The following CUBN variants were observed in gnomAD, a reference collection of about 807,000 sequenced individuals.
The protein encoded by CUBN is cubilin, also known as 460 kDa receptor.
A neutral mutation model predicts 405.3 loss-of-function variants in CUBN; 282 were observed. That is an observed-to-expected ratio of 0.70 (90% CI 0.63 to 0.77). The LOEUF (loss-of-function observed/expected upper bound fraction) is 0.77, where lower values mean the gene tolerates loss of function less well. CUBN is among the 30% of genes least tolerant of loss of function. The pLI is 0.00. For missense variants in CUBN, 4,514 were observed against 4,475.2 expected, an observed-to-expected ratio of 1.01 and a Z score of -0.25; for synonymous variants, 1,684 against 1,617.0, an observed-to-expected ratio of 1.04 and a Z score of -0.99.
At chr10:17,104,710 TAATA>T in intron 11 of CUBN, 105 bp from the exon 12 acceptor site, 1 of 288,952 alleles carries the variant, frequency 3.5e-6, no homozygotes, top group East Asian at 8.5e-5. Context: ...ATATAATATA[TAATA>T]ATTATATAAT....
chr10:16,908,952 G>T (rs974435405), intron 48 of CUBN, among the ~76,000 whole-genome samples: 1 of 144,148 alleles, frequency 6.9e-6, no homozygotes, highest in African/African-American at 2.6e-5. Context: ...GCGCAATCTC[G>T]GCTCACTGCA....
chr10:17,106,498 C>T (rs778821704), intron 10 of CUBN, among the ~76,000 whole-genome samples: 4 of 142,720 alleles, frequency 2.8e-5, no homozygotes, highest in South Asian at 2.3e-4. Context: ...ATCAGGAGGC[C>T]GAGGCAGGAG....
intron 65 of CUBN, among the ~76,000 whole-genome samples, chr10:16,829,813 T>A (rs1441054503): frequency 6.6e-6 from 1 of 151,944 alleles, no homozygotes; most frequent in Non-Finnish European, 1.5e-5. Context: ...TCTTGGTGGG[T>A]TTTTTTGTTT....
chr10:16,929,426 T>A (rs1207741548), intron 40 of CUBN, among the ~76,000 whole-genome samples: 1 of 152,156 alleles, frequency 6.6e-6, no homozygotes, highest in Non-Finnish European at 1.5e-5. Context: ...AATTAATAAA[T>A]CTCGAGTTTA....
chr10:17,015,631 G>T (rs958342157), intron 28 of CUBN, among the ~76,000 whole-genome samples: 4 of 152,104 alleles, frequency 2.6e-5, no homozygotes, highest in Non-Finnish European at 4.4e-5. Context: ...GCTCAATAAG[G>T]GTCATAACAT....
At chr10:16,923,504 A>G (rs1270128114) in intron 43 of CUBN, among the ~76,000 whole-genome samples, 1 of 152,176 alleles carries the variant, frequency 6.6e-6, no homozygotes, top group Non-Finnish European at 1.5e-5. Context: ...TTATGGAACA[A>G]TCTTGAGTTG....
At position 17,045,350 on chromosome 10, in the gene CUBN, AT is replaced by A. The variant is rs200458717; in HGVS notation, c.3491-163del. On this transcript the variant is annotated intron_variant, in intron 24 of 66. Coordinates refer to ENST00000377833, the MANE Select transcript of CUBN (RefSeq NM_001081.4). The stretch of plus-strand genomic sequence containing the variant: ...GTTATAGCCTAAAAATCCAATTTTT[AT>A]TTTTTTCTATTTTTTTTTTTTTTTT... Among the ~76,000 whole-genome samples the A allele has an allele frequency of 1.4e-3, 193 of 134,438 alleles. 1 individual carries two copies. The South Asian group carries it at 0.018, about 12-fold the overall frequency. 88.2% of individuals were successfully genotyped at this position (134,438 alleles called of 152,430 possible). A position where few individuals can be genotyped will look rare whatever the true frequency, so the allele number is the denominator to read the frequency against.
At chr10:16,844,274 A>G (rs1248706588) in intron 60 of CUBN, among the ~76,000 whole-genome samples, 2 of 151,608 alleles carry the variant, frequency 1.3e-5, no homozygotes, top group Admixed American at 6.6e-5. Flanking sequence ...TGTCCCCAAA[A>G]AAAAAAAAAA....
At chr10:16,972,540 C>A (rs541804500) in intron 31 of CUBN, among the ~76,000 whole-genome samples, 1 of 151,728 alleles carries the variant, frequency 6.6e-6, no homozygotes, top group Non-Finnish European at 1.5e-5. Flanking sequence ...CATGCTCAAG[C>A]CATCCTCCCA....
chr10:16,935,097 T>C (rs1398001205), intron 39 of CUBN, among the ~76,000 whole-genome samples: 3 of 152,086 alleles, frequency 2.0e-5, no homozygotes, highest in African/African-American at 7.2e-5. Context: ...CCCATTTAAT[T>C]ACGATACCAT....
chr10:16,844,266 T>TA (rs1839442725), intron 60 of CUBN, among the ~76,000 whole-genome samples: 1 of 58,044 alleles, frequency 1.7e-5, no homozygotes, highest in Non-Finnish European at 5.0e-5. Flanking sequence ...CGAAACTCTG[T>TA]CCCCAAAAAA....
At chr10:17,105,600 G>A (rs1489785306) in intron 10 of CUBN, 25 bp from the exon 11 acceptor site, 1 of 1,248,974 alleles carries the variant, frequency 8.0e-7, no homozygotes, top group Non-Finnish European at 1.2e-6. Flanking sequence ...AAACAAACGT[G>A]TAAATACAGG....
chr10:16,952,956 C>G (rs1000857343), intron 32 of CUBN, among the ~76,000 whole-genome samples: 1 of 152,150 alleles, frequency 6.6e-6, no homozygotes, highest in East Asian at 1.9e-4. Flanking sequence ...TGAGCAGACA[C>G]AGAGGAGCAT....
At position 16,938,991 on chromosome 10, in the gene CUBN, AT is replaced by A; in HGVS notation, c.5704del (p.Ile1902TyrfsTer9). 1 of 1,613,820 alleles carries A rather than the reference AT, an allele frequency of 6.2e-7. No individual in the cohort carries two copies. Among genetic ancestry groups the A allele is most frequent in the Non-Finnish European group, 8.5e-7 (1 of 1,179,834 alleles). The stretch of plus-strand genomic sequence containing the variant: ...TAATTTGTCATAATAGCAGTTTTGT[AT>A]TTCTTCTATGTCCATCTCCAAGATT... The part of the protein sequence containing the change: ...GRILEMDIEE[I>X]QNCYYDKLRI... On this transcript the variant is annotated frameshift_variant, in exon 38 of 67. Transcript: ENST00000377833. LOFTEE classifies it high-confidence loss of function.
chr10:16,970,089 G>GGGT lies in CUBN; in HGVS notation c.4695+12392_4695+12394dup, dbSNP rs143410846. Among the ~76,000 whole-genome samples the GGGT allele has an allele frequency of 7.1e-3, 1,076 of 152,302 alleles. 19 individuals carry two copies. Among genetic ancestry groups the GGGT allele is most frequent in the African/African-American group, 0.025 (1,023 of 41,556 alleles). On this transcript the variant is annotated intron_variant, in intron 31 of 66. Coordinates refer to ENST00000377833, the MANE Select transcript of CUBN (RefSeq NM_001081.4). The stretch of plus-strand genomic sequence containing the variant: ...AACCCCAAGCCATGAAGAGGGTGAG[G>GGGT]GGTGGTACACGTCCAGAAACAAGCA...
In CUBN at chr10:16,873,103, G is replaced by GAGGT. The variant is rs45547642; in HGVS notation, c.9236+1267_9236+1270dup. The stretch of plus-strand genomic sequence containing the variant: ...AAAATGATCACAGACAAATAGAGGG[G>GAGGT]AGGTAGGTAGGTAGGTAGGTAGGTA... On this transcript the variant is annotated intron_variant, in intron 58 of 66. Coordinates refer to ENST00000377833, the MANE Select transcript of CUBN (RefSeq NM_001081.4). Among the ~76,000 whole-genome samples, 1,249 of 152,170 alleles carry GAGGT rather than the reference G, an allele frequency of 8.2e-3. 14 individuals carry two copies. The highest frequency in any genetic ancestry group is 0.025 in the African/African-American group (1,038 of 41,488).
chr10:17,104,673 A>G, intron 11 of CUBN, 68 bp from the exon 12 acceptor site: 1 of 948,396 alleles, frequency 1.1e-6, no homozygotes, highest in Non-Finnish European at 1.7e-6. Flanking sequence ...ATCAACCCAA[A>G]TAATAGGAAT....
intron 47 of CUBN, among the ~76,000 whole-genome samples, chr10:16,914,436 G>C (rs1294063943): frequency 6.6e-6 from 1 of 152,128 alleles, no homozygotes; most frequent in Non-Finnish European, 1.5e-5. Context: ...GCGTGCGCCT[G>C]TAATCTCAGC....
chr10:16,952,888 G>C (rs1230772775), intron 32 of CUBN, among the ~76,000 whole-genome samples: 2 of 152,176 alleles, frequency 1.3e-5, no homozygotes, highest in Non-Finnish European at 2.9e-5. Context: ...TGAGGAGGAG[G>C]CCGAGGCTAA....
Sources: gnomAD v4.1 joint callset for allele counts (sites outside exome capture counted in the v4.1 genomes callset) on GRCh38, gnomAD v4.1.1 for gene constraint, MANE v1.5 for transcripts, NCBI Gene and HGNC (gene_info 2026-07-23, HGNC 2026-07-21) for gene names.